Variants in PDE9A observed in about 807,000 individuals in gnomAD.
PDE9A encodes the protein high affinity cGMP-specific 3',5'-cyclic phosphodiesterase 9A.
PDE9A carries 60 observed loss-of-function variants against 87.4 expected under a neutral mutation model. The ratio of observed to expected loss-of-function variants is 0.69; its 90% confidence interval spans 0.56 to 0.85. The LOEUF is 0.85. PDE9A is among the 40% of genes least tolerant of loss of function. PDE9A has a pLI of 0.00. For missense variants in PDE9A, 665 were observed against 779.0 expected, an observed-to-expected ratio of 0.85 and a Z score of 1.74; for synonymous variants, 272 against 279.4, an observed-to-expected ratio of 0.97 and a Z score of 0.27.
intron 1 of PDE9A, among the ~76,000 whole-genome samples, chr21:42,667,491 C>G (rs924662347): frequency 6.6e-6 from 1 of 151,992 alleles, no homozygotes; most frequent in Non-Finnish European, 1.5e-5. Flanking sequence ...CAGTTGCCTG[C>G]CCAGTATGTT....
At chr21:42,655,428 C>T (rs536828057) in intron 1 of PDE9A, among the ~76,000 whole-genome samples, 1 of 152,262 alleles carries the variant, frequency 6.6e-6, no homozygotes, top group African/African-American at 2.4e-5. Flanking sequence ...GGACGCTGGG[C>T]ATGGCAGGCC....
At chr21:42,670,448 ACAGT>A (rs1299279076) in intron 1 of PDE9A, among the ~76,000 whole-genome samples, 3 of 151,024 alleles carry the variant, frequency 2.0e-5, no homozygotes, top group African/African-American at 4.9e-5. Flanking sequence ...ACACTTATAC[ACAGT>A]CACACAGACT....
At chr21:42,669,478 G>T (rs2058262118) in intron 1 of PDE9A, among the ~76,000 whole-genome samples, 1 of 152,186 alleles carries the variant, frequency 6.6e-6, no homozygotes, top group Non-Finnish European at 1.5e-5. Context: ...CCACTTAACA[G>T]ACATTTATTG....
At chr21:42,655,117 CACAT>C (rs763107231) in intron 1 of PDE9A, among the ~76,000 whole-genome samples, 7 of 152,120 alleles carry the variant, frequency 4.6e-5, no homozygotes, top group Non-Finnish European at 7.4e-5. Flanking sequence ...CACACACACA[CACAT>C]GCTCCAATGC....
At position 42,766,243 on chromosome 21, in the gene PDE9A, G is replaced by A. The variant is rs191990573; in HGVS notation, c.1356+749G>A. The stretch of plus-strand genomic sequence containing the variant: ...CTTGGGAGGCAGAGGTGGGAGGATC[G>A]CTGGAGCCCAGGTCCAGGCTGCAGT... On this transcript the variant is annotated intron_variant, in intron 15 of 19. Transcript: ENST00000291539. Among the ~76,000 whole-genome samples the A allele has an allele frequency of 4.7e-3, 709 of 152,280 alleles. 3 individuals carry two copies. Among genetic ancestry groups the A allele is most frequent in the African/African-American group, 0.016 (678 of 41,556 alleles).
chr21:42,656,556 C>T (rs1294770443), intron 1 of PDE9A, among the ~76,000 whole-genome samples: 1 of 151,962 alleles, frequency 6.6e-6, no homozygotes, highest in African/African-American at 2.4e-5. Context: ...CAGACATGCC[C>T]AGTGATTCAG....
Position 42,704,593 on chromosome 21 carries a change from C to T in PDE9A, c.262+5582C>T, listed in dbSNP as rs1339606077. Among the ~76,000 whole-genome samples, 1 of 152,268 alleles carries T rather than the reference C, an allele frequency of 6.6e-6. No homozygotes were observed. Among genetic ancestry groups the T allele is most frequent in the Admixed American group, 6.5e-5 (1 of 15,282 alleles). On this transcript the variant is annotated intron_variant, in intron 4 of 19. Transcript: ENST00000291539. This position sits in a 1 kb window ranked among gnomAD's most constrained non-coding sequence, Gnocchi z 5.3. ...GTCCATCGGCCTTGGGTCCCAGAGCCACTGAGCCGTGGCCCAAGGTCAGGA... is the reference window on the plus strand; with the variant it reads ...GTCCATCGGCCTTGGGTCCCAGAGCTACTGAGCCGTGGCCCAAGGTCAGGA...
At chr21:42,767,040 A>G (rs1425397425) in intron 15 of PDE9A, among the ~76,000 whole-genome samples, 2 of 152,070 alleles carry the variant, frequency 1.3e-5, no homozygotes, top group Non-Finnish European at 2.9e-5. Flanking sequence ...GGTTCCGTTT[A>G]TCCCAACGAC....
chr21:42,707,382 C>T (rs888312267), intron 4 of PDE9A, among the ~76,000 whole-genome samples: 7 of 152,184 alleles, frequency 4.6e-5, no homozygotes, highest in Non-Finnish European at 8.8e-5. Context: ...CTGTGTGTGG[C>T]ATACGCGGCT....
intron 1 of PDE9A, among the ~76,000 whole-genome samples, chr21:42,661,521 G>A (rs1435221100): frequency 6.6e-6 from 1 of 151,926 alleles, no homozygotes; most frequent in African/African-American, 2.4e-5. Context: ...CCTTCACTCG[G>A]ATCATGCCCT....
At chr21:42,658,006 C>G (rs1480863943) in intron 1 of PDE9A, among the ~76,000 whole-genome samples, 2 of 152,244 alleles carry the variant, frequency 1.3e-5, no homozygotes, top group Non-Finnish European at 2.9e-5. Flanking sequence ...TTCAAGCGTC[C>G]GCAGAAGTCG....
At chr21:42,738,075 A>T (rs2052660494) in intron 7 of PDE9A, among the ~76,000 whole-genome samples, 1 of 152,152 alleles carries the variant, frequency 6.6e-6, no homozygotes, top group East Asian at 1.9e-4. Flanking sequence ...AGAGATTTTA[A>T]AGCAGGGCCC....
chr21:42,764,372 C>T (rs1184569590), intron 14 of PDE9A, among the ~76,000 whole-genome samples: 3 of 152,314 alleles, frequency 2.0e-5, no homozygotes, highest in African/African-American at 7.2e-5. Flanking sequence ...TGTGTGGCTA[C>T]GATAAGCTGT....
intron 4 of PDE9A, among the ~76,000 whole-genome samples, chr21:42,714,003 T>C (rs1053261550): frequency 6.7e-6 from 1 of 148,484 alleles, no homozygotes; most frequent in Admixed American, 6.8e-5. Context: ...TTAAAACTTT[T>C]TTTTTCATTC....
chr21:42,751,270 G>T (rs968677461), intron 9 of PDE9A, 73 bp downstream of exon 9: 2 of 1,063,108 alleles, frequency 1.9e-6, no homozygotes, highest in South Asian at 1.3e-5. Context: ...GTGGCCCTGC[G>T]GCCAGACCCT....
intron 4 of PDE9A, among the ~76,000 whole-genome samples, chr21:42,707,029 C>T (rs1423617089): frequency 4.6e-5 from 7 of 152,128 alleles, no homozygotes; most frequent in Admixed American, 3.9e-4. Flanking sequence ...TTGGTTGATC[C>T]GTTCATCAGC....
At chr21:42,768,116 C>A in intron 15 of PDE9A, 72 bp from the exon 16 acceptor site, 1 of 917,206 alleles carries the variant, frequency 1.1e-6, no homozygotes, top group South Asian at 1.3e-5. Flanking sequence ...AATGGCAAGT[C>A]CAGACCCGAG....
At position 42,765,484 on chromosome 21, in the gene PDE9A, A is replaced by C; in HGVS notation, c.1346A>C (p.His449Pro). Reference protein sequence around the residue: ...MENFDYSNEEHMTLLKMILIK... With the variant: ...MENFDYSNEEPMTLLKMILIK... ...AATTTTGACTACAGCAACGAGGAGCACATGACCCTGGTGAGTGGCTTATTC... is the reference window on the plus strand; with the variant it reads ...AATTTTGACTACAGCAACGAGGAGCCCATGACCCTGGTGAGTGGCTTATTC... The change falls in exon 15 of 20, where the codon CAC (histidine) becomes CCC (proline). Residue 449 changes from histidine (H) to proline (P), a missense_variant. By Grantham distance (77) the His-to-Pro change is moderately conservative. Coordinates refer to ENST00000291539, the MANE Select transcript of PDE9A (RefSeq NM_002606.3). 6.3e-7 allele frequency: 1 copy of C among 1,599,274 alleles called. No individual in the cohort carries two copies.
At chr21:42,673,338 C>T (rs371121218) in intron 1 of PDE9A, among the ~76,000 whole-genome samples, 13 of 152,136 alleles carry the variant, frequency 8.5e-5, no homozygotes, top group African/African-American at 1.4e-4. Context: ...CCGAATGGCA[C>T]GGACCCAGCC....
Sources: gnomAD v4.1 joint callset for allele counts (sites outside exome capture counted in the v4.1 genomes callset) on GRCh38, gnomAD v4.1.1 for gene constraint, Gnocchi (gnomAD v3.1) non-coding constraint, MANE v1.5 for transcripts, NCBI Gene and HGNC (gene_info 2026-07-23, HGNC 2026-07-21) for gene names.